Variants in FGGY observed in about 807,000 individuals in gnomAD.
FGGY encodes the protein FGGY carbohydrate kinase domain containing, also known as FGGY carbohydrate kinase domain-containing protein.
In FGGY, 72 loss-of-function variants were observed where a neutral mutation model predicts 71.3. That is an observed-to-expected ratio of 1.01 (90% CI 0.84 to 1.23). The LOEUF is 1.23. FGGY is among the 50% of genes most tolerant of loss of function. FGGY has a pLI of 0.00. For synonymous variants in FGGY, 251 were observed against 250.3 expected (o/e 1.00, Z -0.02); for missense variants, 668 against 682.3 (o/e 0.98, Z 0.23).
intron 6 of FGGY, among the ~76,000 whole-genome samples, chr1:59,487,895 C>A (rs1459897898): frequency 7.1e-6 from 1 of 140,246 alleles, no homozygotes; most frequent in Non-Finnish European, 1.5e-5. Flanking sequence ...TTAATTTTTT[C>A]TTTTATCTTC....
chr1:59,513,770 A>G (rs753430275), intron 7 of FGGY, among the ~76,000 whole-genome samples: 14 of 152,208 alleles, frequency 9.2e-5, no homozygotes, highest in Admixed American at 3.3e-4. Context: ...ACATTAAGGC[A>G]AGAATAAGGT....
intron 6 of FGGY, among the ~76,000 whole-genome samples, chr1:59,500,221 ATCCTTCC>A (rs1383391689): frequency 6.6e-6 from 1 of 152,200 alleles, no homozygotes; most frequent in Non-Finnish European, 1.5e-5. Flanking sequence ...TTTCAGACAT[ATCCTTCC>A]TTTTATAAAC....
At chr1:59,315,303 A>G (rs1480904657) in intron 1 of FGGY, among the ~76,000 whole-genome samples, 1 of 151,398 alleles carries the variant, frequency 6.6e-6, no homozygotes, top group Non-Finnish European at 1.5e-5. Flanking sequence ...CCTCCCATCA[A>G]TCAAAGGATT....
intron 2 of FGGY, among the ~76,000 whole-genome samples, chr1:59,326,681 T>C (rs2047486565): frequency 6.6e-6 from 1 of 152,202 alleles, no homozygotes; most frequent in Non-Finnish European, 1.5e-5. Context: ...AACTGATGTC[T>C]TGATATTCAT....
chr1:59,545,781 A>G (rs2095510960), intron 7 of FGGY, among the ~76,000 whole-genome samples: 1 of 152,234 alleles, frequency 6.6e-6, no homozygotes, highest in Admixed American at 6.5e-5. Context: ...GGAGTGTGGC[A>G]TGAAGACAGA....
chr1:59,341,270 A>G (rs2050622564), intron 3 of FGGY, among the ~76,000 whole-genome samples: 1 of 152,204 alleles, frequency 6.6e-6, no homozygotes, highest in African/African-American at 2.4e-5. Context: ...AAATGCTCAG[A>G]AAAGTTTCTT....
At chr1:59,484,812 T>C (rs1178718255) in intron 6 of FGGY, among the ~76,000 whole-genome samples, 1 of 152,200 alleles carries the variant, frequency 6.6e-6, no homozygotes, top group African/African-American at 2.4e-5. Flanking sequence ...CACTAAGGAA[T>C]ATGTAGACAC....
chr1:59,665,926 GC>G (rs1206025801), intron 12 of FGGY, among the ~76,000 whole-genome samples: 1 of 152,126 alleles, frequency 6.6e-6, no homozygotes, highest in Non-Finnish European at 1.5e-5. Flanking sequence ...GCCCGCCTTG[GC>G]CTCCCAAAGT....
intron 6 of FGGY, among the ~76,000 whole-genome samples, chr1:59,499,068 C>T (rs910502688): frequency 6.6e-6 from 1 of 152,184 alleles, no homozygotes; most frequent in African/African-American, 2.4e-5. Flanking sequence ...GATAGTCTCT[C>T]ACCATAGGTT....
At chr1:59,516,880 A>C (rs879284399) in intron 7 of FGGY, among the ~76,000 whole-genome samples, 13 of 152,206 alleles carry the variant, frequency 8.5e-5, no homozygotes, top group Non-Finnish European at 1.6e-4. Context: ...ATACCCCTGG[A>C]CTTTCATTCC....
At chr1:59,359,661 A>G (rs2055029961) in intron 4 of FGGY, among the ~76,000 whole-genome samples, 1 of 152,176 alleles carries the variant, frequency 6.6e-6, no homozygotes, top group Non-Finnish European at 1.5e-5. Context: ...GGATTCCTAT[A>G]AAGGCTCCTG....
chr1:59,468,199 G>A (rs764912586), intron 6 of FGGY, among the ~76,000 whole-genome samples: 2 of 152,012 alleles, frequency 1.3e-5, no homozygotes, highest in Non-Finnish European at 2.9e-5. Context: ...CACCGCGCCC[G>A]ACTGGCTTCA....
At chr1:59,732,924 C>T (rs942237520) in intron 14 of FGGY, among the ~76,000 whole-genome samples, 1 of 152,052 alleles carries the variant, frequency 6.6e-6, no homozygotes, top group Non-Finnish European at 1.5e-5. Flanking sequence ...CCTGGATGCA[C>T]CTTCCCCCTG....
intron 1 of FGGY, chr1:59,315,684 A>C (rs969471250): frequency 9.2e-5 from 14 of 152,192 alleles, no homozygotes; most frequent in Non-Finnish European, 1.8e-4. Flanking sequence ...CAAAATGAGC[A>C]CTTGACTGAA....
chr1:59,425,476 A>C (rs1316639322), intron 5 of FGGY, among the ~76,000 whole-genome samples: 1 of 152,136 alleles, frequency 6.6e-6, no homozygotes, highest in Non-Finnish European at 1.5e-5. Context: ...TTCTGGCAGG[A>C]GGAGCATAAT....
chr1:59,409,261 AGT>A (rs2153422787), intron 5 of FGGY, among the ~76,000 whole-genome samples: 1 of 152,168 alleles, frequency 6.6e-6, no homozygotes, highest in South Asian at 2.1e-4. Context: ...CTTGGAGGGG[AGT>A]GTGGATTTTA....
intron 11 of FGGY, among the ~76,000 whole-genome samples, chr1:59,657,357 C>G (rs2097229059): frequency 6.6e-6 from 1 of 152,192 alleles, no homozygotes; most frequent in Admixed American, 6.5e-5. Flanking sequence ...AGGCAGCCTC[C>G]TGGACAGGCT....
At position 59,378,720 on chromosome 1, in the gene FGGY, T is replaced by C. The variant is rs201220517; in HGVS notation, c.466-29T>C. ...AGGAGATGGTAGAAAAACCCCCTAATTGATTCTAATATATATTTAATTTGG... is the reference window on the plus strand; with the variant it reads ...AGGAGATGGTAGAAAAACCCCCTAACTGATTCTAATATATATTTAATTTGG... On this transcript the variant is annotated intron_variant, in intron 4 of 15. Transcript: ENST00000303721. The C allele has an allele frequency of 5.0e-6, 8 of 1,593,872 alleles. No individual in the cohort carries two copies. In the East Asian group the frequency reaches 1.3e-4, roughly 27 times the overall value.
At chr1:59,752,687 G>T (rs1437934430) in intron 14 of FGGY, among the ~76,000 whole-genome samples, 2 of 152,166 alleles carry the variant, frequency 1.3e-5, no homozygotes, top group African/African-American at 4.8e-5. Context: ...CCCAGGCCAG[G>T]TCATTACAGT....
Sources: allele counts gnomAD v4.1 joint callset (sites outside exome capture counted in the v4.1 genomes callset), GRCh38; gene constraint gnomAD v4.1.1; transcripts MANE v1.5; gene names NCBI Gene and HGNC (gene_info 2026-07-23, HGNC 2026-07-21).